The following CNTNAP3B variants were observed in gnomAD, a reference collection of about 807,000 sequenced individuals.
The protein encoded by CNTNAP3B is contactin-associated protein-like 3B.
In CNTNAP3B, 25 loss-of-function variants were observed where a neutral mutation model predicts 108.9. That is an observed-to-expected ratio of 0.23 (90% confidence interval 0.17 to 0.32). The LOEUF is 0.32. CNTNAP3B is among the 10% of genes least tolerant of loss of function. The pLI, the probability that CNTNAP3B is intolerant of heterozygous loss-of-function variation, is 1.00. For synonymous variants in CNTNAP3B, 103 were observed against 473.4 expected (o/e 0.22, Z 10.16); for missense variants, 252 against 1,210.4 (o/e 0.21, Z 11.75).
intron 2 of CNTNAP3B, among the ~76,000 whole-genome samples, chr9:42,098,417 C>CAA (rs375793085): frequency 1.0e-5 from 1 of 96,116 alleles, no homozygotes; most frequent in African/African-American, 4.6e-5. Flanking sequence ...ACTAAAAATA[C>CAA]AAAAAAAAAA....
Position 42,112,296 on chromosome 9 carries a change from C to A in CNTNAP3B, c.86-7557G>T, listed in dbSNP as rs1008817349. Among the ~76,000 whole-genome samples the A allele has an allele frequency of 1.4e-5, 2 of 139,686 alleles. 1 individual carries two copies. Among genetic ancestry groups the A allele is most frequent in the African/African-American group, 5.7e-5 (2 of 35,208 alleles). The allele number at this position is 139,686 out of a possible 152,430, so 91.6% of individuals were successfully genotyped here. A position where few individuals can be genotyped will look rare whatever the true frequency, so the allele number is the denominator to read the frequency against. On this transcript the variant is annotated intron_variant, in intron 1 of 23. Coordinates refer to ENST00000377561, the MANE Select transcript of CNTNAP3B (RefSeq NM_001201380.3). ...TGTGTGAAGGCCCCAGTAAGGCTTA[C>A]TCTTCTGAAATACTGAGGTCTGTCT... is the stretch of plus-strand genomic sequence containing the variant.
At chr9:41,956,314 A>C (rs1483150368) in intron 12 of CNTNAP3B, among the ~76,000 whole-genome samples, 7 of 151,770 alleles carry the variant, frequency 4.6e-5, no homozygotes, top group African/African-American at 1.7e-4. Flanking sequence ...TGAACCCGGG[A>C]GGTGGAGGTT....
At chr9:41,963,627 A>T (rs1224684092) in intron 11 of CNTNAP3B, among the ~76,000 whole-genome samples, 6 of 151,694 alleles carry the variant, frequency 4.0e-5, no homozygotes, top group Non-Finnish European at 4.4e-5. Flanking sequence ...CCCCATCTCC[A>T]GCGATTCTGA....
chr9:42,078,805 T>C (rs1460372208), intron 2 of CNTNAP3B, among the ~76,000 whole-genome samples: 1 of 149,640 alleles, frequency 6.7e-6, no homozygotes, highest in African/African-American at 2.5e-5. Flanking sequence ...CACAGATTTC[T>C]TTAGCCCTCA....
At chr9:42,035,925 T>A (rs1826616408) in intron 3 of CNTNAP3B, among the ~76,000 whole-genome samples, 1 of 140,768 alleles carries the variant, frequency 7.1e-6, no homozygotes, top group Admixed American at 7.0e-5. Context: ...CTGGCCAATA[T>A]GGTGAAACCA....
intron 1 of CNTNAP3B, among the ~76,000 whole-genome samples, chr9:42,106,440 A>C (rs1213608575): frequency 9.1e-6 from 1 of 110,228 alleles, no homozygotes; most frequent in Non-Finnish European, 1.9e-5. Context: ...TTTAGCATGA[A>C]GAGCACCCAA....
intron 3 of CNTNAP3B, among the ~76,000 whole-genome samples, chr9:42,029,325 G>C (rs2118472877): frequency 7.8e-6 from 1 of 129,022 alleles, no homozygotes; most frequent in South Asian, 2.5e-4. Context: ...CGATAAATGT[G>C]TTGCTTTTTC....
At chr9:41,972,529 T>C (rs1825439352) in intron 9 of CNTNAP3B, among the ~76,000 whole-genome samples, 2 of 138,832 alleles carry the variant, frequency 1.4e-5, no homozygotes, top group South Asian at 4.7e-4. Context: ...GCTTTATCTC[T>C]TTAACTTTAA....
chr9:41,934,778 C>T (rs74357579), intron 14 of CNTNAP3B, among the ~76,000 whole-genome samples: 13,951 of 147,400 alleles, frequency 0.095, 59 homozygotes, highest in African/African-American at 0.15. Context: ...TTTAAAAATC[C>T]AATATGATAA....
At chr9:42,085,184 AAG>A (rs1827677263) in intron 2 of CNTNAP3B, among the ~76,000 whole-genome samples, 1 of 151,752 alleles carries the variant, frequency 6.6e-6, no homozygotes, top group Non-Finnish European at 1.5e-5. Flanking sequence ...TGAATTGGCA[AAG>A]ACAGTACAGA....
At chr9:42,016,954 T>C (rs1162908542) in intron 3 of CNTNAP3B, among the ~76,000 whole-genome samples, 1 of 151,848 alleles carries the variant, frequency 6.6e-6, no homozygotes, top group Non-Finnish European at 1.5e-5. Flanking sequence ...AAGCTCCATC[T>C]TATTGAAAGA....
intron 1 of CNTNAP3B, among the ~76,000 whole-genome samples, chr9:42,110,536 A>C (rs1587279363): frequency 7.3e-6 from 1 of 137,374 alleles, no homozygotes; most frequent in African/African-American, 2.9e-5. Context: ...TGTTCTAAAA[A>C]AAAAAAAAAG....
intron 10 of CNTNAP3B, among the ~76,000 whole-genome samples, chr9:41,967,900 G>A (rs1825328842): frequency 6.6e-6 from 1 of 152,264 alleles, no homozygotes; most frequent in Non-Finnish European, 1.5e-5. Context: ...CATGGCTGAA[G>A]TTTAAGTGTG....
chr9:42,003,914 T>G (rs1826050425), intron 4 of CNTNAP3B, among the ~76,000 whole-genome samples: 1 of 136,122 alleles, frequency 7.3e-6, no homozygotes, highest in South Asian at 2.5e-4. Context: ...CCAGGATTGC[T>G]CCACTGCACT....
In CNTNAP3B at chr9:42,118,497, C is replaced by A. The variant is rs1157724443; in HGVS notation, c.85+10513G>T. Among the ~76,000 whole-genome samples, 2 of 135,368 alleles carry A rather than the reference C, an allele frequency of 1.5e-5. 1 individual carries two copies. The highest frequency in any genetic ancestry group is 3.1e-5 in the Non-Finnish European group (2 of 63,686). 88.8% of individuals were successfully genotyped at this position (135,368 alleles called of 152,430 possible). A position where few individuals can be genotyped will look rare whatever the true frequency, so the allele number is the denominator to read the frequency against. On this transcript the variant is annotated intron_variant, in intron 1 of 23. Coordinates refer to ENST00000377561, the MANE Select transcript of CNTNAP3B (RefSeq NM_001201380.3). ...AAAGACGCTTCATGCTAAAAACTCT[C>A]AACAAATTAGGTATTGATGGCACCT...
chr9:41,964,362 G>A (rs1201478212), intron 11 of CNTNAP3B, among the ~76,000 whole-genome samples, 176 bp downstream of exon 11: 1 of 152,236 alleles, frequency 6.6e-6, no homozygotes, highest in African/African-American at 2.4e-5. Context: ...TCTGTGCACT[G>A]TCTCAACACC....
intron 13 of CNTNAP3B, among the ~76,000 whole-genome samples, chr9:41,945,899 C>T (rs1280895457): frequency 2.6e-5 from 4 of 152,276 alleles, no homozygotes; most frequent in East Asian, 1.9e-4. Context: ...GAAAGATATA[C>T]CATGGTAACA....
At chr9:42,072,891 C>A in intron 3 of CNTNAP3B, among the ~76,000 whole-genome samples, 1 of 130,766 alleles carries the variant, frequency 7.6e-6, no homozygotes, top group Middle Eastern at 3.6e-3. Flanking sequence ...TGTGTATACA[C>A]CAAATATGAG....
chr9:42,063,376 G>A lies in CNTNAP3B; in HGVS notation c.390+13493C>T, dbSNP rs190008144. On this transcript the variant is annotated intron_variant, in intron 3 of 23. Transcript: ENST00000377561. ...TTTCAGCACTTGAATATATCATCCT[G>A]CTCTTCCCTGGCCTGTAAGGTTTCT... 1.5e-5 allele frequency among the ~76,000 whole-genome samples: 2 copies of A among 135,794 alleles called. 1 individual carries two copies. The highest frequency in any genetic ancestry group is 5.9e-5 in the African/African-American group (2 of 33,844). The allele number at this position is 135,794 out of a possible 152,430, so 89.1% of individuals were successfully genotyped here. A position where few individuals can be genotyped will look rare whatever the true frequency, so the allele number is the denominator to read the frequency against.
Sources: allele counts gnomAD v4.1 joint callset (sites outside exome capture counted in the v4.1 genomes callset), GRCh38; gene constraint gnomAD v4.1.1; transcripts MANE v1.5; gene names NCBI Gene and HGNC (gene_info 2026-07-23, HGNC 2026-07-21).